Variants in DPP6 observed in about 807,000 individuals in gnomAD.
DPP6 encodes dipeptidyl peptidase like 6, also known as A-type potassium channel modulatory protein DPP6.
In DPP6, 69 loss-of-function variants were observed where a neutral mutation model predicts 122.6. The observed-to-expected ratio is 0.56, with a 90% CI of 0.46 to 0.69. The LOEUF (loss-of-function observed/expected upper bound fraction) is 0.69. Ranked by LOEUF, DPP6 falls within the 30% of genes least tolerant of loss-of-function variation. The pLI, the probability that DPP6 is intolerant of heterozygous loss-of-function variation, is 0.00. For synonymous variants in DPP6, 418 were observed against 433.1 expected (o/e 0.97, Z 0.43); for missense variants, 928 against 1,116.9 (o/e 0.83, Z 2.41).
At chr7:154,013,811 A>G (rs1456739257) in intron 1 of DPP6, among the ~76,000 whole-genome samples, 2 of 152,080 alleles carry the variant, frequency 1.3e-5, no homozygotes, top group East Asian at 3.9e-4. Flanking sequence ...TACAAGGGAC[A>G]GATTGTCAGC....
chr7:154,529,278 G>A (rs1468751759), intron 3 of DPP6, among the ~76,000 whole-genome samples: 3 of 152,292 alleles, frequency 2.0e-5, no homozygotes, highest in Middle Eastern at 6.8e-3. Context: ...TGAATGACCT[G>A]TGAATCATAT....
intron 1 of DPP6, among the ~76,000 whole-genome samples, chr7:154,077,276 T>G (rs75903675): frequency 0.23 from 34,849 of 152,152 alleles, 4,411 homozygotes; most frequent in Admixed American, 0.29. Flanking sequence ...CAGTACTCCA[T>G]AGACACCATA....
chr7:154,834,077 G>A (rs1487500474), intron 16 of DPP6, among the ~76,000 whole-genome samples: 3 of 152,084 alleles, frequency 2.0e-5, no homozygotes, highest in African/African-American at 7.2e-5. Flanking sequence ...GCCTTGCCAG[G>A]GTGGGCGGAC....
At chr7:154,779,108 C>A (rs200201952) in intron 10 of DPP6, among the ~76,000 whole-genome samples, 26 of 342 alleles carry the variant, frequency 0.076, no homozygotes, top group Admixed American at 0.19. Context: ...CACCACCACC[C>A]CCACCATCAC....
intron 1 of DPP6, among the ~76,000 whole-genome samples, chr7:154,134,712 G>C (rs1403150650): frequency 1.3e-5 from 2 of 152,118 alleles, no homozygotes; most frequent in South Asian, 4.1e-4. Flanking sequence ...TACACTTCCT[G>C]TGAGCTTACA....
At chr7:154,517,885 C>T (rs76081482) in intron 3 of DPP6, among the ~76,000 whole-genome samples, 129 of 152,246 alleles carry the variant, frequency 8.5e-4, no homozygotes, top group Middle Eastern at 3.4e-3. Context: ...TTTTCAACAT[C>T]GTTTACCCTA....
chr7:154,587,936 C>T lies in DPP6; in HGVS notation c.627+21020C>T, dbSNP rs142196461. On this transcript the variant is annotated intron_variant, in intron 5 of 25. Coordinates refer to ENST00000377770, the MANE Select transcript of DPP6 (RefSeq NM_130797.4). The stretch of plus-strand genomic sequence containing the variant: ...CCAGGAGGCAGGACTGCCAATGGCA[C>T]CAGGCTTCGCAGCCATGCACCTGCA... 3.8e-4 allele frequency: 613 copies of T among 1,612,938 alleles called. 3 individuals are homozygous for T. In the African/African-American group the frequency reaches 6.3e-3, roughly 17 times the overall value.
chr7:154,808,097 A>G (rs990902618), intron 16 of DPP6, among the ~76,000 whole-genome samples: 3 of 152,252 alleles, frequency 2.0e-5, no homozygotes, highest in Admixed American at 1.3e-4. Flanking sequence ...GATGACCTCA[A>G]AGAATGAAAA....
chr7:154,540,395 A>G, intron 3 of DPP6, 137 bp from the exon 4 acceptor site: 1 of 644,356 alleles, frequency 1.6e-6, no homozygotes, highest in Non-Finnish European at 2.7e-6. Context: ...ATTGCACCAT[A>G]TTGAAAGGGC....
At chr7:154,162,333 A>G (rs918844287) in intron 1 of DPP6, among the ~76,000 whole-genome samples, 3 of 152,224 alleles carry the variant, frequency 2.0e-5, no homozygotes, top group African/African-American at 7.2e-5. Context: ...AAACTAATCC[A>G]AAGATGAAGT....
the DPP6 span, among the ~76,000 whole-genome samples, chr7:153,786,498 G>T: frequency 3.3e-5 from 5 of 151,684 alleles, no homozygotes; most frequent in African/African-American, 1.2e-4. Flanking sequence ...CCAGCACTTT[G>T]GGAGGCCGAG....
At chr7:154,676,538 G>A (rs894853199) in intron 7 of DPP6, among the ~76,000 whole-genome samples, 3 of 152,236 alleles carry the variant, frequency 2.0e-5, no homozygotes, top group African/African-American at 7.2e-5. Context: ...CTGCTACACA[G>A]GCGTTCCCTG....
chr7:154,274,510 C>G (rs770891044), intron 1 of DPP6, among the ~76,000 whole-genome samples: 1 of 152,168 alleles, frequency 6.6e-6, no homozygotes, highest in South Asian at 2.1e-4. Context: ...AACACGCTGA[C>G]GAGGTGAGTC....
chr7:153,780,202 G>A, the DPP6 span, among the ~76,000 whole-genome samples: 4 of 152,138 alleles, frequency 2.6e-5, no homozygotes, highest in Non-Finnish European at 5.9e-5. Flanking sequence ...TGCAAACCAA[G>A]AAAGCAGCAT....
rs1348768439 is a variant in DPP6 at position 153,982,109 on chromosome 7, G to A, written c.51+94375G>A. Among the ~76,000 whole-genome samples the A allele has an allele frequency of 6.6e-5, 10 of 152,050 alleles. No individual in the cohort carries two copies. The East Asian group carries it at 1.9e-3, about 29-fold the overall frequency. Reference sequence around the variant, plus strand: ...TGGCCTGCCTTGCTAGGTTGGGGAAGTTCTTCTGGATAATATCCTGAAGTG... The same window carrying A: ...TGGCCTGCCTTGCTAGGTTGGGGAAATTCTTCTGGATAATATCCTGAAGTG... On this transcript the variant is annotated intron_variant, in intron 1 of 25. Transcript: ENST00000404039.
chr7:154,648,096 A>G (rs1445289071), intron 6 of DPP6, among the ~76,000 whole-genome samples: 16 of 24,204 alleles, frequency 6.6e-4, no homozygotes, highest in Non-Finnish European at 1.3e-3. Flanking sequence ...ATTAAAATTA[A>G]AAAAAAAAAA....
chr7:153,919,690 C>A (rs1374018236), intron 1 of DPP6, among the ~76,000 whole-genome samples: 1 of 152,144 alleles, frequency 6.6e-6, no homozygotes, highest in Non-Finnish European at 1.5e-5. Flanking sequence ...GTTTTATAAG[C>A]ACAGAGAACA....
At chr7:154,058,249 A>C (rs1199818161) in intron 1 of DPP6, 3 of 136,608 alleles carry the variant, frequency 2.2e-5, no homozygotes, top group African/African-American at 5.6e-5. Context: ...GGGGGGAGGC[A>C]CCCCTCGTGA....
In DPP6 at chr7:154,889,483, G is replaced by A; in HGVS notation, c.2404G>A (p.Glu802Lys). 1 of 1,594,262 alleles carries A rather than the reference G, an allele frequency of 6.3e-7. No individual in the cohort carries two copies. Among genetic ancestry groups the A allele is most frequent in the South Asian group, 1.1e-5 (1 of 88,998 alleles). Residue 802 changes from glutamate to lysine, a missense_variant, in exon 25 of 26, where the codon GAA (glutamate) becomes AAA (lysine). Coordinates refer to ENST00000377770, the MANE Select transcript of DPP6 (RefSeq NM_130797.4). The part of the protein sequence containing the change: ...DEKIHFQHTA[E>K]LITQLIRGKA... Reference sequence around the variant, plus strand: ...AAAAATTCATTTCCAGCACACAGCAGAACTCATTACACAACTAATTAGGGG... The same window carrying A: ...AAAAATTCATTTCCAGCACACAGCAAAACTCATTACACAACTAATTAGGGG...
Sources: allele counts gnomAD v4.1 joint callset (sites outside exome capture counted in the v4.1 genomes callset), GRCh38; gene constraint gnomAD v4.1.1; transcripts MANE v1.5; gene names NCBI Gene and HGNC (gene_info 2026-07-23, HGNC 2026-07-21).